Variants in MAGI1 observed in about 807,000 individuals in gnomAD.
MAGI1 encodes the protein membrane associated guanylate kinase, WW and PDZ domain containing 1.
In MAGI1, 58 loss-of-function variants were observed where a neutral mutation model predicts 139.9. That is an observed-to-expected ratio of 0.41 (90% CI 0.34 to 0.52). The LOEUF is 0.52. Ranked by LOEUF, MAGI1 falls within the 20% of genes least tolerant of loss-of-function variation. The pLI, the probability that MAGI1 is intolerant of heterozygous loss-of-function variation, is 0.12. For synonymous variants in MAGI1, 812 were observed against 737.9 expected (o/e 1.10, Z -1.63); for missense variants, 1,874 against 1,901.6 (o/e 0.99, Z 0.27).
intron 5 of MAGI1, among the ~76,000 whole-genome samples, chr3:65,465,852 TA>T (rs1190395618): frequency 1.3e-5 from 2 of 152,208 alleles, no homozygotes; most frequent in Non-Finnish European, 2.9e-5. Flanking sequence ...TCCAATGAAA[TA>T]AATGTTAGAT....
chr3:65,648,290 CGTGTGTGT>C (rs35122002), intron 1 of MAGI1, among the ~76,000 whole-genome samples: 36 of 146,790 alleles, frequency 2.5e-4, no homozygotes, highest in African/African-American at 5.2e-4. Context: ...TACTACAGGC[CGTGTGTGT>C]GTGTGTGTGT....
chr3:65,728,631 T>C (rs1322183836), intron 1 of MAGI1, among the ~76,000 whole-genome samples: 2 of 152,066 alleles, frequency 1.3e-5, no homozygotes, highest in African/African-American at 4.8e-5. Flanking sequence ...AGAGCAGGTG[T>C]TCTGTGGCAC....
intron 5 of MAGI1, among the ~76,000 whole-genome samples, chr3:65,455,980 T>G (rs1378673373): frequency 6.6e-6 from 1 of 152,224 alleles, no homozygotes; most frequent in African/African-American, 2.4e-5. Flanking sequence ...AAATTTGTTA[T>G]AAACATTCAT....
chr3:65,861,634 G>C (rs1391430286), intron 1 of MAGI1, among the ~76,000 whole-genome samples: 1 of 152,060 alleles, frequency 6.6e-6, no homozygotes, highest in African/African-American at 2.4e-5. Context: ...TCTGTCCAAG[G>C]AGGCAATGAA....
At chr3:65,753,927 GA>G (rs1482621223) in intron 1 of MAGI1, among the ~76,000 whole-genome samples, 1 of 152,132 alleles carries the variant, frequency 6.6e-6, no homozygotes, top group Non-Finnish European at 1.5e-5. Context: ...ATAGGCATGG[GA>G]AAGGACCACA....
At chr3:65,365,421 A>C (rs1397775811) in intron 18 of MAGI1, among the ~76,000 whole-genome samples, 3 of 152,258 alleles carry the variant, frequency 2.0e-5, no homozygotes, top group African/African-American at 7.2e-5. Flanking sequence ...TCAGAAGTGT[A>C]CTAACAACTT....
At chr3:65,839,406 CTTTT>C (rs79801193) in intron 1 of MAGI1, among the ~76,000 whole-genome samples, 2 of 148,512 alleles carry the variant, frequency 1.3e-5, no homozygotes, top group Non-Finnish European at 3.0e-5. Flanking sequence ...ATTCCTTCGA[CTTTT>C]TTTTTTAATT....
intron 1 of MAGI1, among the ~76,000 whole-genome samples, chr3:65,876,085 G>A (rs1339190757): frequency 1.3e-5 from 2 of 150,624 alleles, no homozygotes; most frequent in Non-Finnish European, 2.9e-5. Context: ...TTGCTGGAGA[G>A]TTTAGGGAAG....
At chr3:65,961,453 A>G (rs2107086596) in intron 1 of MAGI1, among the ~76,000 whole-genome samples, 2 of 152,360 alleles carry the variant, frequency 1.3e-5, no homozygotes, top group South Asian at 4.1e-4. Flanking sequence ...AACTAAATAG[A>G]TGATCAGTAT....
chr3:65,686,791 A>C (rs1249941380), intron 1 of MAGI1, among the ~76,000 whole-genome samples: 1 of 152,242 alleles, frequency 6.6e-6, no homozygotes, highest in African/African-American at 2.4e-5. Context: ...ACAAATGCAC[A>C]GTATGTTTTT....
chr3:65,505,584 C>A (rs960770133), intron 2 of MAGI1, among the ~76,000 whole-genome samples: 1 of 151,276 alleles, frequency 6.6e-6, no homozygotes, highest in Non-Finnish European at 1.5e-5. Flanking sequence ...GAGGTTGAGA[C>A]AGCAGTGAGC....
chr3:65,683,439 G>A (rs2087733529), intron 1 of MAGI1, among the ~76,000 whole-genome samples: 1 of 151,548 alleles, frequency 6.6e-6, no homozygotes, highest in Non-Finnish European at 1.5e-5. Flanking sequence ...GAATTTTGCT[G>A]TGAACTTAAA....
intron 2 of MAGI1, among the ~76,000 whole-genome samples, chr3:65,598,858 T>C (rs951202323): frequency 6.6e-6 from 1 of 152,168 alleles, no homozygotes; most frequent in African/African-American, 2.4e-5. Context: ...TCATCCACCT[T>C]AGTGAGAAAA....
At chr3:65,627,608 C>T (rs146556037) in intron 1 of MAGI1, among the ~76,000 whole-genome samples, 1 of 145,660 alleles carries the variant, frequency 6.9e-6, no homozygotes, top group Non-Finnish European at 1.5e-5. Flanking sequence ...CCCGGGTTCA[C>T]GCCATCCTCC....
intron 1 of MAGI1, among the ~76,000 whole-genome samples, chr3:65,923,458 C>T (rs1008528162): frequency 1.3e-5 from 2 of 152,010 alleles, no homozygotes; most frequent in African/African-American, 4.8e-5. Context: ...ATCTCTTGAC[C>T]TCATGATCCG....
chr3:65,918,525 T>A (rs891336922), intron 1 of MAGI1, among the ~76,000 whole-genome samples: 8 of 151,798 alleles, frequency 5.3e-5, no homozygotes, highest in African/African-American at 1.9e-4. Flanking sequence ...GGATTACAGG[T>A]GTGCACCACC....
At chr3:65,414,760 G>A (rs1946058732) in intron 12 of MAGI1, among the ~76,000 whole-genome samples, 1 of 151,870 alleles carries the variant, frequency 6.6e-6, no homozygotes, top group Admixed American at 6.6e-5. Flanking sequence ...GGCACTGGGT[G>A]TGGTGGTTCA....
chr3:65,691,225 C>T (rs1036482316), intron 1 of MAGI1, among the ~76,000 whole-genome samples: 2 of 150,154 alleles, frequency 1.3e-5, no homozygotes, highest in African/African-American at 4.9e-5. Context: ...ATGGTGTGAA[C>T]CCGGGAGGAG....
At chr3:65,844,842 A>G (rs1392831361) in intron 1 of MAGI1, among the ~76,000 whole-genome samples, 1 of 152,106 alleles carries the variant, frequency 6.6e-6, no homozygotes, top group East Asian at 1.9e-4. Context: ...ACTAAAGGAC[A>G]CCCCAGGGAT....
Sources: allele counts gnomAD v4.1 joint callset (sites outside exome capture counted in the v4.1 genomes callset), GRCh38; gene constraint gnomAD v4.1.1; transcripts MANE v1.5; gene names NCBI Gene and HGNC (gene_info 2026-07-23, HGNC 2026-07-21).